Variants in TBC1D5 observed in about 807,000 individuals in gnomAD.
TBC1D5 encodes the protein TBC1 domain family member 5.
Under a neutral mutation model 100.3 loss-of-function variants are expected in TBC1D5, and 75 were observed. The ratio of observed to expected loss-of-function variants is 0.75; its 90% CI spans 0.62 to 0.91. The LOEUF is 0.91. TBC1D5 is among the 40% of genes least tolerant of loss of function. The probability of loss-of-function intolerance (pLI) is 0.00; values close to 1 mark genes in which losing one functional copy is unlikely to be tolerated. For synonymous variants in TBC1D5, 323 were observed against 325.6 expected (o/e 0.99, Z 0.09); for missense variants, 910 against 942.4 (o/e 0.97, Z 0.45).
chr3:17,409,424 C>T (rs889933601), intron 4 of TBC1D5, among the ~76,000 whole-genome samples: 4 of 152,094 alleles, frequency 2.6e-5, no homozygotes, highest in Non-Finnish European at 4.4e-5. Context: ...ATTAATAATG[C>T]TACAATGGCC....
chr3:17,406,461 T>A, exon 5 of TBC1D5: 1 of 1,611,890 alleles, frequency 6.2e-7, no homozygotes, highest in Non-Finnish European at 8.5e-7. Flanking sequence ...CAGCTGCCCA[T>A]TAATCCCCTT....
chr3:17,247,013 G>GA (rs2076791163), intron 16 of TBC1D5, among the ~76,000 whole-genome samples: 1 of 151,844 alleles, frequency 6.6e-6, no homozygotes, highest in African/African-American at 2.4e-5. Flanking sequence ...GTAAACACCT[G>GA]TTTTTTTTCA....
intron 1 of TBC1D5, among the ~76,000 whole-genome samples, chr3:17,695,099 C>A (rs1355154917): frequency 6.6e-6 from 1 of 152,120 alleles, no homozygotes; most frequent in Middle Eastern, 3.2e-3. Context: ...GAAGGAAGCA[C>A]TAAACACGGA....
In TBC1D5 at chr3:17,568,931, A is replaced by C. The variant is rs146627667; in HGVS notation, c.-36+54918T>G. Among the ~76,000 whole-genome samples the C allele has an allele frequency of 1.4e-3, 205 of 151,832 alleles. 1 individual carries two copies. Among genetic ancestry groups the C allele is most frequent in the Middle Eastern group, 3.4e-3 (1 of 294 alleles). On this transcript the variant is annotated intron_variant, in intron 2 of 21. Transcript: ENST00000253692. ...GATGCATTTTAATTTCAAAAAAGTC[A>C]CGGATCTGCCCTGCATACCACATAA...
intron 15 of TBC1D5, among the ~76,000 whole-genome samples, chr3:17,291,240 T>G (rs1406900426): frequency 6.6e-6 from 1 of 152,232 alleles, no homozygotes; most frequent in African/African-American, 2.4e-5. Flanking sequence ...GATTCACAGA[T>G]TTTTTTAGAT....
At chr3:17,585,137 G>C (rs1342039986) in intron 2 of TBC1D5, among the ~76,000 whole-genome samples, 1 of 152,014 alleles carries the variant, frequency 6.6e-6, no homozygotes, top group East Asian at 1.9e-4. Context: ...CTGTATTTAC[G>C]AAACTTTCTA....
At chr3:17,436,115 TA>T (rs2094531317) in intron 3 of TBC1D5, among the ~76,000 whole-genome samples, 1 of 152,222 alleles carries the variant, frequency 6.6e-6, no homozygotes, top group Non-Finnish European at 1.5e-5. Flanking sequence ...TTGGTAAAAT[TA>T]AACTGACAGA....
At chr3:17,559,028 T>A (rs2096539628) in intron 2 of TBC1D5, among the ~76,000 whole-genome samples, 1 of 152,094 alleles carries the variant, frequency 6.6e-6, no homozygotes, top group African/African-American at 2.4e-5. Context: ...ATTCCCCATA[T>A]TTTCTGCATC....
intron 3 of TBC1D5, among the ~76,000 whole-genome samples, chr3:17,453,070 A>C (rs2094964235): frequency 6.7e-6 from 1 of 148,548 alleles, no homozygotes; most frequent in East Asian, 1.9e-4. Flanking sequence ...CAGCAGGTCA[A>C]TGAAGAAATA....
intron 1 of TBC1D5, among the ~76,000 whole-genome samples, chr3:17,717,004 A>C (rs2075294918): frequency 6.6e-6 from 1 of 152,184 alleles, no homozygotes; most frequent in African/African-American, 2.4e-5. Flanking sequence ...GCTGAGCATA[A>C]AATTCTAGGC....
At chr3:17,659,949 T>C (rs2066483928) in intron 1 of TBC1D5, among the ~76,000 whole-genome samples, 1 of 152,126 alleles carries the variant, frequency 6.6e-6, no homozygotes, top group Non-Finnish European at 1.5e-5. Context: ...CACTGAGAAT[T>C]TGGGCCCACA....
chr3:17,281,827 T>G (rs192376159), intron 15 of TBC1D5, among the ~76,000 whole-genome samples: 1 of 152,320 alleles, frequency 6.6e-6, no homozygotes, highest in Admixed American at 6.5e-5. Context: ...ACTGAGTTAA[T>G]ATACTTAAGA....
At chr3:17,453,045 A>G (rs1028364212) in intron 3 of TBC1D5, among the ~76,000 whole-genome samples, 2 of 151,732 alleles carry the variant, frequency 1.3e-5, no homozygotes, top group African/African-American at 4.8e-5. Context: ...ATTAAACAAT[A>G]TGCTCCAGAA....
chr3:17,204,515 C>T (rs763795135), intron 18 of TBC1D5, among the ~76,000 whole-genome samples: 4 of 152,156 alleles, frequency 2.6e-5, no homozygotes, highest in Non-Finnish European at 5.9e-5. Context: ...TTTCCCCAAA[C>T]CATTGTCTAT....
chr3:17,316,760 T>G (rs189137476), intron 13 of TBC1D5, among the ~76,000 whole-genome samples: 1 of 152,314 alleles, frequency 6.6e-6, no homozygotes, highest in Non-Finnish European at 1.5e-5. Flanking sequence ...GTCCATGACT[T>G]GGCAATACTC....
chr3:17,609,411 T>G (rs569784297), intron 2 of TBC1D5, among the ~76,000 whole-genome samples: 7 of 152,342 alleles, frequency 4.6e-5, no homozygotes, highest in African/African-American at 7.2e-5. Flanking sequence ...TACTCCTTGA[T>G]TACACTGTAG....
At chr3:17,238,017 C>A (rs772886445) in intron 17 of TBC1D5, 146 bp downstream of exon 17, 19 of 1,192,312 alleles carry the variant, frequency 1.6e-5, no homozygotes, top group Non-Finnish European at 2.1e-5. Flanking sequence ...AACACGGTAT[C>A]TAGTATTCCA....
chr3:17,505,354 C>G (rs769722739), intron 3 of TBC1D5, among the ~76,000 whole-genome samples: 3 of 152,102 alleles, frequency 2.0e-5, no homozygotes, highest in African/African-American at 7.2e-5. Context: ...TATACCTCCT[C>G]CCCCTTTGCC....
At chr3:17,158,956 G>A (rs1241372002) in exon 22 of TBC1D5, 1 of 152,262 alleles carries the variant, frequency 6.6e-6, no homozygotes, top group Non-Finnish European at 1.5e-5. Flanking sequence ...ACCTTCCCAA[G>A]GTGAGAAAGT....
Sources: allele counts gnomAD v4.1 joint callset (sites outside exome capture counted in the v4.1 genomes callset), GRCh38; gene constraint gnomAD v4.1.1; transcripts MANE v1.5; gene names NCBI Gene and HGNC (gene_info 2026-07-23, HGNC 2026-07-21).